The following ABCB4 variants were observed in gnomAD, a reference collection of about 807,000 sequenced individuals.
The protein encoded by ABCB4 is phosphatidylcholine translocator ABCB4.
ABCB4 carries 76 observed loss-of-function variants against 145.7 expected under a neutral mutation model. That is an observed-to-expected ratio of 0.52 (90% CI 0.43 to 0.63). The LOEUF (loss-of-function observed/expected upper bound fraction) is 0.63, where lower values mean the gene tolerates loss of function less well. ABCB4 is among the 30% of genes least tolerant of loss of function. The pLI is 0.00. For synonymous variants in ABCB4, 517 were observed against 566.8 expected, an observed-to-expected ratio of 0.91 and a Z score of 1.25; for missense variants, 1,234 against 1,553.1, an observed-to-expected ratio of 0.79 and a Z score of 3.45.
chr7:87,397,519 A>T (rs546443049), downstream of ABCB4, among the ~76,000 whole-genome samples: 100 of 152,286 alleles, frequency 6.6e-4, no homozygotes, highest in Middle Eastern at 3.4e-3. Context: ...AAATTTTTTT[A>T]AAAAATTGAC....
intron 25 of ABCB4, among the ~76,000 whole-genome samples, chr7:87,407,793 G>A (rs1272845836): frequency 6.6e-6 from 1 of 152,162 alleles, no homozygotes; most frequent in East Asian, 1.9e-4. Context: ...GACTGGAAAG[G>A]CCCATGACAG....
At chr7:87,379,920 G>A in the ABCB4 span, among the ~76,000 whole-genome samples, 1 of 152,096 alleles carries the variant, frequency 6.6e-6, no homozygotes, top group Non-Finnish European at 1.5e-5. Context: ...GCACCAGCTT[G>A]GGCAACATAG....
chr7:87,473,054 G>A (rs1438961331), intron 2 of ABCB4, among the ~76,000 whole-genome samples: 1 of 152,200 alleles, frequency 6.6e-6, no homozygotes, highest in African/African-American at 2.4e-5. Flanking sequence ...AGGCAATCTT[G>A]TTGGTGATAC....
the ABCB4 span, chr7:87,391,664 A>G: frequency 6.2e-7 from 1 of 1,612,062 alleles, no homozygotes; most frequent in Non-Finnish European, 8.5e-7. Context: ...GATCATGCAC[A>G]GTTGAAGCAG....
intron 18 of ABCB4, among the ~76,000 whole-genome samples, chr7:87,421,481 TA>T (rs1192358160): frequency 2.0e-5 from 3 of 152,138 alleles, no homozygotes; most frequent in Non-Finnish European, 2.9e-5. Flanking sequence ...GATTTCTAAA[TA>T]AAAAACTTGG....
chr7:87,399,624 G>C (rs1490482866), downstream of ABCB4: 3 of 152,106 alleles, frequency 2.0e-5, no homozygotes, highest in Non-Finnish European at 2.9e-5. Context: ...GAAAAATAAA[G>C]CACTTATGTT....
At chr7:87,378,285 G>A in the ABCB4 span, among the ~76,000 whole-genome samples, 2 of 147,426 alleles carry the variant, frequency 1.4e-5, no homozygotes, top group Admixed American at 1.4e-4. Context: ...GGTTGAGGGT[G>A]CAGTGAACAG....
At chr7:87,422,327 T>C in intron 17 of ABCB4, 102 bp from the exon 18 acceptor site, 1 of 881,832 alleles carries the variant, frequency 1.1e-6, no homozygotes, top group Middle Eastern at 2.2e-4. Context: ...AAAACTAGGC[T>C]TCAAATATGT....
chr7:87,376,668 T>C, the ABCB4 span, among the ~76,000 whole-genome samples: 1 of 151,984 alleles, frequency 6.6e-6, no homozygotes, highest in South Asian at 2.1e-4. Context: ...CAGACTTCTT[T>C]TTAAGGAAGA....
chr7:87,451,516 C>A (rs780163760), intron 7 of ABCB4, 107 bp downstream of exon 7: 4 of 1,221,208 alleles, frequency 3.3e-6, no homozygotes, highest in Non-Finnish European at 2.4e-6. Context: ...GTAGTTTCAA[C>A]TGACATTTAA....
chr7:87,426,130 A>G (rs1034271785), intron 16 of ABCB4, among the ~76,000 whole-genome samples: 2 of 152,178 alleles, frequency 1.3e-5, no homozygotes, highest in Admixed American at 6.5e-5. Context: ...GAATTCTGGA[A>G]AACCTCTTTG....
At chr7:87,414,115 C>A (rs928085622) in intron 21 of ABCB4, among the ~76,000 whole-genome samples, 2 of 152,174 alleles carry the variant, frequency 1.3e-5, no homozygotes, top group East Asian at 3.9e-4. Context: ...TTTCTAAGGG[C>A]CTATTGGAGC....
In ABCB4 at chr7:87,418,632, A is replaced by T. The variant is rs767927907; in HGVS notation, c.2395-12T>A. Reference sequence around the variant, plus strand: ...AACCAGCTCATGTCCTATGGCATAAAATACACGTTTATGTTAGTTCAAAAT... The same window carrying T: ...AACCAGCTCATGTCCTATGGCATAATATACACGTTTATGTTAGTTCAAAAT... On this transcript the variant is annotated splice_polypyrimidine_tract_variant and intron_variant, in intron 19 of 27. Transcript: ENST00000649586. 6.2e-7 allele frequency: 1 copy of T among 1,612,550 alleles called. No individual in the cohort carries two copies. Among genetic ancestry groups the T allele is most frequent in the Non-Finnish European group, 8.5e-7 (1 of 1,178,608 alleles).
chr7:87,416,074 C>G (rs45552832), intron 21 of ABCB4, among the ~76,000 whole-genome samples: 9,079 of 152,186 alleles, frequency 0.06, 332 homozygotes, highest in South Asian at 0.16. Context: ...GTTCCCAAGT[C>G]CTGGGAACCA....
intron 26 of ABCB4, among the ~76,000 whole-genome samples, chr7:87,404,800 A>G (rs575213909): frequency 9.8e-5 from 15 of 152,380 alleles, no homozygotes; most frequent in African/African-American, 3.1e-4. Flanking sequence ...GGAAATGCAT[A>G]TTAAAGCCAC....
intron 17 of ABCB4, 95 bp from the exon 18 acceptor site, chr7:87,422,320 A>G: frequency 1.1e-6 from 1 of 938,306 alleles, no homozygotes; most frequent in Non-Finnish European, 1.7e-6. Context: ...CATGTTTAAA[A>G]CTAGGCTTCA....
intron 19 of ABCB4, 57 bp downstream of exon 19, chr7:87,419,941 G>A: frequency 1.3e-6 from 2 of 1,543,096 alleles, no homozygotes; most frequent in Admixed American, 3.3e-5. Flanking sequence ...ACAGTAAGAA[G>A]CTTAATATGG....
At chr7:87,457,027 A>C (rs1483896811) in intron 4 of ABCB4, among the ~76,000 whole-genome samples, 1 of 152,192 alleles carries the variant, frequency 6.6e-6, no homozygotes, top group Non-Finnish European at 1.5e-5. Context: ...TCTGTGCATT[A>C]GAATTACATG....
chr7:87,459,798 T>C (rs913665722), intron 4 of ABCB4, among the ~76,000 whole-genome samples: 3 of 152,182 alleles, frequency 2.0e-5, no homozygotes, highest in Admixed American at 6.5e-5. Context: ...CACCAAGAGA[T>C]AATATCTGCG....
Sources: gnomAD v4.1 joint callset for allele counts (sites outside exome capture counted in the v4.1 genomes callset) on GRCh38, gnomAD v4.1.1 for gene constraint, MANE v1.5 for transcripts, NCBI Gene and HGNC (gene_info 2026-07-23, HGNC 2026-07-21) for gene names.